PTPRG: variants seen among roughly 807,000 people sequenced by gnomAD.
The protein encoded by PTPRG is receptor-type tyrosine-protein phosphatase gamma.
In PTPRG, 102 loss-of-function variants were observed where a neutral mutation model predicts 165.3. The ratio of observed to expected loss-of-function variants is 0.62; its 90% CI spans 0.53 to 0.73. The LOEUF (loss-of-function observed/expected upper bound fraction) is 0.73, where lower values mean the gene tolerates loss of function less well. PTPRG is among the 30% of genes least tolerant of loss of function. PTPRG has a pLI of 0.00. For missense variants in PTPRG, 1,866 were observed against 1,861.4 expected, an observed-to-expected ratio of 1.00 and a Z score of -0.05; for synonymous variants, 675 against 669.5, an observed-to-expected ratio of 1.01 and a Z score of -0.13.
chr3:62,281,538 C>CCT, intron 26 of PTPRG, 25 bp from the exon 27 acceptor site: 1 of 620,524 alleles, frequency 1.6e-6, no homozygotes, highest in Non-Finnish European at 2.1e-6. Context: ...ACTGCAGAGG[C>CCT]TTTTTTTTTT....
At chr3:61,932,531 C>T (rs997355438) in intron 2 of PTPRG, among the ~76,000 whole-genome samples, 1 of 152,220 alleles carries the variant, frequency 6.6e-6, no homozygotes, top group African/African-American at 2.4e-5. Context: ...AATACGGTCA[C>T]TTGCTGAGTT....
chr3:61,621,051 A>ATATATATATATATATGTGTG, intron 1 of PTPRG, among the ~76,000 whole-genome samples: 17 of 117,990 alleles, frequency 1.4e-4, no homozygotes, highest in South Asian at 5.9e-4. Context: ...ATATATATAT[A>ATATATATATATATATGTGTG]TGTGTGTGTG....
chr3:62,067,039 A>G (rs1325230388), intron 4 of PTPRG, among the ~76,000 whole-genome samples: 790 of 14,772 alleles, frequency 0.053, 8 homozygotes, highest in African/African-American at 0.11. Flanking sequence ...ATTCTGACTC[A>G]AAAAAAAAAA....
intron 1 of PTPRG, among the ~76,000 whole-genome samples, chr3:61,703,938 T>C (rs2031113759): frequency 6.6e-6 from 1 of 152,222 alleles, no homozygotes; most frequent in Non-Finnish European, 1.5e-5. Context: ...AAAAGTGAGC[T>C]GGATATACTA....
At chr3:62,038,772 G>T (rs577089851) in intron 4 of PTPRG, among the ~76,000 whole-genome samples, 29 of 152,122 alleles carry the variant, frequency 1.9e-4, no homozygotes, top group African/African-American at 3.9e-4. Flanking sequence ...GATATATATA[G>T]AGAGATTTTT....
At chr3:61,571,130 T>A (rs1237580148) in intron 1 of PTPRG, among the ~76,000 whole-genome samples, 2 of 152,208 alleles carry the variant, frequency 1.3e-5, no homozygotes, top group African/African-American at 4.8e-5. Flanking sequence ...ATGTGATCTA[T>A]GCCCCGTGCT....
At chr3:61,939,748 T>C (rs570904022) in intron 2 of PTPRG, among the ~76,000 whole-genome samples, 47 of 152,146 alleles carry the variant, frequency 3.1e-4, no homozygotes, top group Non-Finnish European at 6.0e-4. Context: ...TAGGGAACTC[T>C]GTTTTGCCCT....
chr3:62,021,807 T>C (rs923005575), intron 4 of PTPRG, among the ~76,000 whole-genome samples: 7 of 151,964 alleles, frequency 4.6e-5, no homozygotes, highest in African/African-American at 1.7e-4. Context: ...GGCTAATACA[T>C]TTCTTGAAAT....
At chr3:62,001,414 G>A (rs923782772) in intron 3 of PTPRG, among the ~76,000 whole-genome samples, 2 of 152,118 alleles carry the variant, frequency 1.3e-5, no homozygotes, top group Non-Finnish European at 2.9e-5. Flanking sequence ...TATTGTAACA[G>A]ATGCAATCAA....
chr3:62,099,750 A>G (rs1180564906), intron 5 of PTPRG, among the ~76,000 whole-genome samples: 1 of 151,126 alleles, frequency 6.6e-6, no homozygotes, highest in African/African-American at 2.4e-5. Flanking sequence ...TATATATATC[A>G]AGTGACTTTG....
intron 4 of PTPRG, among the ~76,000 whole-genome samples, chr3:62,076,860 C>T (rs1009542494): frequency 1.3e-5 from 2 of 152,210 alleles, no homozygotes; most frequent in African/African-American, 2.4e-5. Context: ...GGATTACAGG[C>T]GTGAGCCACT....
intron 2 of PTPRG, among the ~76,000 whole-genome samples, chr3:61,958,091 T>C (rs1277475422): frequency 2.6e-5 from 4 of 152,160 alleles, no homozygotes; most frequent in Non-Finnish European, 5.9e-5. Flanking sequence ...GTTTAGGGGC[T>C]AGTTACAAAT....
At chr3:62,047,116 C>G (rs1177155431) in intron 4 of PTPRG, among the ~76,000 whole-genome samples, 1 of 152,168 alleles carries the variant, frequency 6.6e-6, no homozygotes, top group Non-Finnish European at 1.5e-5. Flanking sequence ...CAATCATAGT[C>G]TTTCTGGTTA....
intron 2 of PTPRG, among the ~76,000 whole-genome samples, chr3:61,947,034 G>A (rs1431267597): frequency 6.6e-6 from 1 of 152,188 alleles, no homozygotes; most frequent in Non-Finnish European, 1.5e-5. Flanking sequence ...GTTTCCAGCA[G>A]CGATGTAATC....
intron 5 of PTPRG, among the ~76,000 whole-genome samples, chr3:62,109,694 G>A (rs1393444876): frequency 6.6e-6 from 1 of 152,148 alleles, no homozygotes; most frequent in Non-Finnish European, 1.5e-5. Flanking sequence ...TAAGGGCCCT[G>A]TAGGCAGCTG....
At chr3:62,236,410 T>C (rs973317131) in intron 14 of PTPRG, among the ~76,000 whole-genome samples, 2 of 152,246 alleles carry the variant, frequency 1.3e-5, no homozygotes, top group Admixed American at 6.5e-5. Flanking sequence ...TAAGTGGCTC[T>C]TATTCATGCA....
At chr3:62,163,119 C>A (rs567136735) in intron 7 of PTPRG, among the ~76,000 whole-genome samples, 4 of 152,086 alleles carry the variant, frequency 2.6e-5, no homozygotes, top group Non-Finnish European at 2.9e-5. Flanking sequence ...CTCACTGTCA[C>A]GGGAACAGCA....
chr3:61,634,674 A>G (rs1019794081), intron 1 of PTPRG, among the ~76,000 whole-genome samples: 2 of 152,170 alleles, frequency 1.3e-5, no homozygotes, highest in African/African-American at 2.4e-5. Context: ...ACCACCACTC[A>G]GCAGAGGTTT....
At chr3:62,100,137 G>A (rs1458582838) in intron 5 of PTPRG, among the ~76,000 whole-genome samples, 1 of 152,000 alleles carries the variant, frequency 6.6e-6, no homozygotes, top group African/African-American at 2.4e-5. Flanking sequence ...CCTAATAAGT[G>A]GAGGAGCAGG....
Sources: allele counts gnomAD v4.1 joint callset (sites outside exome capture counted in the v4.1 genomes callset), GRCh38; gene constraint gnomAD v4.1.1; transcripts MANE v1.5; gene names NCBI Gene and HGNC (gene_info 2026-07-23, HGNC 2026-07-21).